Variants in POLG observed in about 807,000 individuals in gnomAD.
POLG encodes DNA polymerase gamma, catalytic subunit.
In POLG, 110 loss-of-function variants were observed where a neutral mutation model predicts 155.4. That is an observed-to-expected ratio of 0.71 (90% CI 0.61 to 0.83). POLG has a LOEUF of 0.83. Among genes scored for constraint, POLG ranks in the 40% least tolerant of loss-of-function variants. POLG has a pLI of 0.00. For synonymous variants in POLG, 701 were observed against 631.5 expected (o/e 1.11, Z -1.65); for missense variants, 1,685 against 1,627.5 (o/e 1.04, Z -0.61).
Position 89,320,883 on chromosome 15 carries a change from T to A in POLG, c.2864A>T (p.Tyr955Phe). The A allele has an allele frequency of 6.2e-7, 1 of 1,613,974 alleles. No homozygotes were observed. The highest frequency in any genetic ancestry group is 8.5e-7 in the Non-Finnish European group (1 of 1,180,030). Residue 955 changes from tyrosine to phenylalanine, a missense_variant, in exon 18 of 23, where the codon TAT (tyrosine) becomes TTT (phenylalanine). Coordinates refer to ENST00000268124, the MANE Select transcript of POLG (RefSeq NM_002693.3). ...CTCAGCAAAGGGCTGCCCAGCACCA[T>A]AGATGCGGCCGTAGTTGAAGATTTT... The part of the protein sequence containing the change: ...HAKIFNYGRI[Y>F]GAGQPFAERL...
At chr15:89,323,539 CCCTGCTCCAGCA>C in intron 12 of POLG, 28 bp from the exon 13 acceptor site, 1 of 1,433,352 alleles carries the variant, frequency 7.0e-7, no homozygotes, top group Non-Finnish European at 9.9e-7. Flanking sequence ...CTATATCAGG[CCCTGCTCCAGCA>C]CCTGCATTCA....
chr15:89,333,555 C>T lies in POLG; in HGVS notation c.200G>A (p.Gly67Glu). ...QQPQVLSSEG[G>E]QLRHNPLDIQ... is the part of the protein sequence containing the mutation. The stretch of plus-strand genomic sequence containing the variant: ...GTCCAATGGGTTGTGCCGCAGCTGC[C>T]CGCCCTCCGAGGATAGCACTTGCGG... Residue 67 changes from glycine to glutamate, a missense_variant, in exon 2 of 23, where the codon GGG (glycine) becomes GAG (glutamate). Coordinates refer to ENST00000268124, the MANE Select transcript of POLG (RefSeq NM_002693.3). 2 of 1,611,352 alleles carry T rather than the reference C, an allele frequency of 1.2e-6. No homozygotes were observed. The highest frequency in any genetic ancestry group is 1.7e-6 in the Non-Finnish European group (2 of 1,178,922).
At chr15:89,325,756 T>A in intron 9 of POLG, 70 bp from the exon 10 acceptor site, 3 of 1,211,152 alleles carry the variant, frequency 2.5e-6, no homozygotes, top group East Asian at 2.3e-5. Context: ...GTTCTCTCTC[T>A]CACAATGTCC....
At chr15:89,322,099 A>C in intron 14 of POLG, 84 bp from the exon 15 acceptor site, 2 of 1,246,182 alleles carry the variant, frequency 1.6e-6, no homozygotes, top group Non-Finnish European at 2.4e-6. Flanking sequence ...TCACCTGCCC[A>C]CCTCCAGGAC....
In POLG at chr15:89,333,838, T is replaced by C; in HGVS notation, c.-84A>G. 2 of 1,479,908 alleles carry C rather than the reference T, an allele frequency of 1.4e-6. No homozygotes were observed. Among genetic ancestry groups the C allele is most frequent in the Admixed American group, 3.9e-5 (2 of 50,714 alleles). The allele number at this position is 1,479,908 out of a possible 1,614,324, so 91.7% of individuals were successfully genotyped here. ...GGCTTCTTTTACTGGCTGGAAGACG[T>C]GGAGAGAGACACGTCCTGTCTCTGC... On this transcript the variant is annotated 5_prime_UTR_variant, in exon 2 of 23. Transcript: ENST00000268124.
At position 89,333,182 on chromosome 15, in the gene POLG, C is replaced by T; in HGVS notation, c.573G>A (p.Glu191=). 1 of 1,568,900 alleles carries T rather than the reference C, an allele frequency of 6.4e-7. No individual in the cohort carries two copies. Among genetic ancestry groups the T allele is most frequent in the Non-Finnish European group, 8.7e-7 (1 of 1,154,594 alleles). ...EGEAVPVAIP[E]ERALVFDVEV... ...CCACGTCGAACACCAGGGCCCGCTC[C>T]TCGGGGATGGCCACGGGTACGGCCT... The change falls in exon 2 of 23, where the codon GAG becomes GAA. Residue 191 remains glutamate, a synonymous_variant. Coordinates refer to ENST00000268124, the MANE Select transcript of POLG (RefSeq NM_002693.3).
In POLG at chr15:89,319,220, G is replaced by T. The variant is rs754615624; in HGVS notation, c.3104+8C>A. 43 of 1,614,036 alleles carry T rather than the reference G, an allele frequency of 2.7e-5. No individual in the cohort carries two copies. In the Admixed American group the frequency reaches 7.0e-4, roughly 26 times the overall value. On this transcript the variant is annotated splice_region_variant and intron_variant, in intron 19 of 22. Transcript: ENST00000268124. ...TCCCTCCATCCTTAACACAAAGAAG[G>T]TTCTTACTTCCTTGCAGTTTCTCTC...
Position 89,316,816 on chromosome 15 carries a change from C to A in POLG, c.3655G>T (p.Asp1219Tyr), listed in dbSNP as rs142460560. 3.7e-6 allele frequency: 6 copies of A among 1,613,476 alleles called. No individual in the cohort carries two copies. Among genetic ancestry groups the A allele is most frequent in the Non-Finnish European group, 5.1e-6 (6 of 1,179,448 alleles). The change falls in exon 23 of 23, where the codon GAT becomes TAT. Residue 1219 changes from aspartate (D) to tyrosine (Y), a missense_variant. By Grantham distance (160) the Asp-to-Tyr change is radical (BLOSUM62 -3). This residue lies in a region of POLG where 470 missense variants were observed against 439.9 expected (regional missense o/e 1.07). Coordinates refer to ENST00000268124, the MANE Select transcript of POLG (RefSeq NM_002693.3). ...RYGIPQGEAL[D>Y]IYQIIELTKG... Reference sequence around the variant, plus strand: ...GTGAGTTCAATTATCTGGTAAATATCCAGCGCTTCACCTGAAAGATAGTGC... The same window carrying A: ...GTGAGTTCAATTATCTGGTAAATATACAGCGCTTCACCTGAAAGATAGTGC...
Position 89,320,627 on chromosome 15 carries a change from G to A in POLG, c.2981+139C>T, listed in dbSNP as rs1479057605. ...AATAGGACAAATCATCCTGGAACCA[G>A]GTTACACAGGTGTGGAAGGAGAGGG... is the stretch of plus-strand genomic sequence containing the variant. On this transcript the variant is annotated intron_variant, in intron 18 of 22. Coordinates refer to ENST00000268124, the MANE Select transcript of POLG (RefSeq NM_002693.3). The A allele has an allele frequency of 4.2e-6, 4 of 956,536 alleles. No individual in the cohort carries two copies. The Admixed American group carries it at 8.5e-5, about 20-fold the overall frequency. 59.3% of individuals were successfully genotyped at this position (956,536 alleles called of 1,614,324 possible).
chr15:89,320,915 C>T lies in POLG; in HGVS notation c.2832G>A (p.Glu944=), dbSNP rs1382179788. The T allele has an allele frequency of 6.2e-7, 1 of 1,613,886 alleles. No homozygotes were observed. The highest frequency in any genetic ancestry group is 8.5e-7 in the Non-Finnish European group (1 of 1,180,038). ...KTATTVGISR[E]HAKIFNYGRI... is the part of the protein sequence containing the mutation. ...GGCCGTAGTTGAAGATTTTGGCATG[C>T]TCACGGCTGATGCCCACAGTAGTGG... The change falls in exon 18 of 23, where the codon GAG becomes GAA. Residue 944 remains glutamate (E), a synonymous_variant. Coordinates refer to ENST00000268124, the MANE Select transcript of POLG (RefSeq NM_002693.3).
At chr15:89,325,115 T>TGAGTGAGTGAGA (rs2055471572) in intron 10 of POLG, among the ~76,000 whole-genome samples, 1 of 29,258 alleles carries the variant, frequency 3.4e-5, no homozygotes, top group African/African-American at 2.6e-4. Context: ...TGAGAGAGAG[T>TGAGTGAGTGAGA]GAGTGAGTGA....
Position 89,325,085 on chromosome 15 carries a change from A to AGAGT in POLG, c.1949+361_1949+364dup, listed in dbSNP as rs761844984. On this transcript the variant is annotated intron_variant, in intron 10 of 22. Coordinates refer to ENST00000268124, the MANE Select transcript of POLG (RefSeq NM_002693.3). Reference sequence around the variant, plus strand: ...GTGAGTGAGTGAGTGAGTGAGTGAGAGAGTGAGTGAGTGAGAGAGTGAGAG... The same window carrying AGAGT: ...GTGAGTGAGTGAGTGAGTGAGTGAGAGAGTGAGTGAGTGAGTGAGAGAGTGAGAG... Among the ~76,000 whole-genome samples, 435 of 77,716 alleles carry AGAGT rather than the reference A, an allele frequency of 5.6e-3. 28 individuals carry two copies. Among genetic ancestry groups the AGAGT allele is most frequent in the Non-Finnish European group, 7.0e-3 (296 of 42,044 alleles). The allele number at this position is 77,716 out of a possible 152,430, so 51.0% of individuals were successfully genotyped here.
chr15:89,324,022 G>T, intron 11 of POLG, 85 bp downstream of exon 11: 4 of 1,593,560 alleles, frequency 2.5e-6, no homozygotes, highest in Non-Finnish European at 3.4e-6. Context: ...ACCAGTGCCA[G>T]CCTCCCACCC....
At position 89,322,807 on chromosome 15, in the gene POLG, A is replaced by G; in HGVS notation, c.2361T>C (p.Ser787=). 6.2e-7 allele frequency: 1 copy of G among 1,614,182 alleles called. No individual in the cohort carries two copies. Among genetic ancestry groups the G allele is most frequent in the African/African-American group, 1.3e-5 (1 of 75,072 alleles). Residue 787 remains serine (S), a synonymous_variant, in exon 14 of 23, where the codon AGT becomes AGC. Coordinates refer to ENST00000268124, the MANE Select transcript of POLG (RefSeq NM_002693.3). ...GTLQAGPGGA[S]GPRALEINKM... ...TGTTGATTTCCAGAGCACGGGGCCC[A>G]CTGGCACCTCCTGGGCCAGCCTGCA...
Position 89,323,822 on chromosome 15 carries a change from A to AG in POLG, c.2149dup (p.Leu717ProfsTer42). On this transcript the variant is annotated frameshift_variant, in exon 12 of 23. Coordinates refer to ENST00000268124, the MANE Select transcript of POLG (RefSeq NM_002693.3). LOFTEE classifies it high-confidence loss of function. The stretch of plus-strand genomic sequence containing the variant: ...AGCCGGCGCACTGCTCACCAGAGCT[A>AG]GGGGTTGACCTGGCACTGCAGCTCG... The AG allele has an allele frequency of 6.2e-7, 1 of 1,613,186 alleles. No homozygotes were observed. The highest frequency in any genetic ancestry group is 8.5e-7 in the Non-Finnish European group (1 of 1,179,152).
chr15:89,319,531 C>A, intron 18 of POLG, 181 bp from the exon 19 acceptor site: 1 of 795,262 alleles, frequency 1.3e-6, no homozygotes, highest in South Asian at 1.6e-5. Flanking sequence ...TGCCTAGGAT[C>A]ATGGAGCTAG....
At position 89,328,491 on chromosome 15, in the gene POLG, C is replaced by T. The variant is rs2055552110; in HGVS notation, c.1215G>A (p.Glu405=). 6.2e-7 allele frequency: 1 copy of T among 1,613,832 alleles called. No homozygotes were observed. The highest frequency in any genetic ancestry group is 8.5e-7 in the Non-Finnish European group (1 of 1,180,018). ...AGAGCGGTAGCTGCTGCTGGAAAACCTCATGGGTGGCCCACACGTCCTGGG... is the reference window on the plus strand; with the variant it reads ...AGAGCGGTAGCTGCTGCTGGAAAACTTCATGGGTGGCCCACACGTCCTGGG... ...YCAQDVWATH[E]VFQQQLPLFL... The change falls in exon 6 of 23, where the codon GAG becomes GAA. Residue 405 remains glutamate (E), a synonymous_variant. Transcript: ENST00000268124.
Position 89,316,705 on chromosome 15 carries a change from C to G in POLG, c.*46G>C, listed in dbSNP as rs778199191. The stretch of plus-strand genomic sequence containing the variant: ...AGCCTGAGTTTGGGAGCCTGCACCA[C>G]CCCGATGAAGCTCCACGGGAGCAAA... On this transcript the variant is annotated 3_prime_UTR_variant, in exon 23 of 23. Coordinates refer to ENST00000268124, the MANE Select transcript of POLG (RefSeq NM_002693.3). 1.4e-6 allele frequency: 2 copies of G among 1,448,492 alleles called. No homozygotes were observed. The highest frequency in any genetic ancestry group is 1.7e-5 in the Admixed American group (1 of 59,702). The allele number at this position is 1,448,492 out of a possible 1,614,324, so 89.7% of individuals were successfully genotyped here.
At chr15:89,324,043 C>T in intron 11 of POLG, 64 bp downstream of exon 11, 1 of 1,611,024 alleles carries the variant, frequency 6.2e-7, no homozygotes, top group Non-Finnish European at 8.5e-7. Context: ...AAAGGCTGCC[C>T]CTTCCCTGGG....
Sources: gnomAD v4.1 joint callset for allele counts (sites outside exome capture counted in the v4.1 genomes callset) on GRCh38, gnomAD v4.1.1 for gene constraint, gnomAD v4.1.1 regional missense constraint, MANE v1.5 for transcripts, NCBI Gene and HGNC (gene_info 2026-07-23, HGNC 2026-07-21) for gene names.